Variants in CD8B2 observed in about 807,000 individuals in gnomAD.
CD8B2 encodes the protein CD8B family member 2, also known as T-cell surface glycoprotein CD8 beta-2 chain.
In CD8B2, 11 loss-of-function variants were observed where a neutral mutation model predicts 23.7. The observed-to-expected ratio is 0.46, with a 90% CI of 0.29 to 0.77. The LOEUF (loss-of-function observed/expected upper bound fraction) is 0.77, where lower values mean the gene tolerates loss of function less well. Among genes scored for constraint, CD8B2 ranks in the 30% least tolerant of loss-of-function variants. The pLI is 0.09. For missense variants in CD8B2, 197 were observed against 270.5 expected, an observed-to-expected ratio of 0.73 and a Z score of 1.91; for synonymous variants, 90 against 109.3, an observed-to-expected ratio of 0.82 and a Z score of 1.10.
chr2:106,515,536 G>A (rs533496779), downstream of CD8B2, among the ~76,000 whole-genome samples: 7 of 152,292 alleles, frequency 4.6e-5, no homozygotes, highest in African/African-American at 1.2e-4. Flanking sequence ...GTGAGTATAC[G>A]GAGAGAAGGT....
chr2:106,503,643 T>C (rs1402377074), intron 4 of CD8B2, among the ~76,000 whole-genome samples: 2 of 152,150 alleles, frequency 1.3e-5, no homozygotes, highest in Non-Finnish European at 2.9e-5. Flanking sequence ...TTATTAAATG[T>C]GCTTCAAAAT....
chr2:106,526,915 T>C (rs1164755217), intron 5 of CD8B2, among the ~76,000 whole-genome samples: 1 of 152,224 alleles, frequency 6.6e-6, no homozygotes, highest in Non-Finnish European at 1.5e-5. Flanking sequence ...ATGTTGAGAT[T>C]ACAGGCGTGA....
At position 106,538,529 on chromosome 2, in the gene CD8B2, A is replaced by G. The variant is rs115119147; in HGVS notation, c.621-5463A>G. On this transcript the variant is annotated intron_variant, in intron 5 of 5. Transcript: ENST00000416057. The stretch of plus-strand genomic sequence containing the variant: ...AAGGGTGACTGTGAATCTGTGTGGC[A>G]CTTGAGATCTCACAAAGTGCATTTA... Among the ~76,000 whole-genome samples, 1,426 of 152,220 alleles carry G rather than the reference A, an allele frequency of 9.4e-3. 21 individuals are homozygous for G. Among genetic ancestry groups the G allele is most frequent in the African/African-American group, 0.032 (1,327 of 41,504 alleles).
intron 1 of CD8B2, among the ~76,000 whole-genome samples, chr2:106,488,552 C>T (rs1419359219): frequency 2.0e-5 from 3 of 152,202 alleles, no homozygotes; most frequent in Admixed American, 2.0e-4. Context: ...CTTCGGGCAC[C>T]TGTGTACTTG....
chr2:106,523,384 C>G (rs2104569587), intron 5 of CD8B2, among the ~76,000 whole-genome samples: 1 of 152,324 alleles, frequency 6.6e-6, no homozygotes, highest in East Asian at 1.9e-4. Context: ...AGAGCTTGCT[C>G]TAGCAGGGGG....
chr2:106,531,871 G>A (rs1215607149), intron 5 of CD8B2, among the ~76,000 whole-genome samples: 2 of 152,208 alleles, frequency 1.3e-5, no homozygotes, highest in Non-Finnish European at 2.9e-5. Context: ...GCTACATCCA[G>A]CCCAGCATTC....
chr2:106,500,560 A>T (rs10184994), intron 3 of CD8B2, among the ~76,000 whole-genome samples: 1,193 of 115,958 alleles, frequency 0.01, no homozygotes, highest in African/African-American at 0.027. Flanking sequence ...AAATAAATAA[A>T]TAATTAAAAA....
chr2:106,500,719 C>T (rs900008619), intron 3 of CD8B2, among the ~76,000 whole-genome samples: 1 of 152,086 alleles, frequency 6.6e-6, no homozygotes, highest in Non-Finnish European at 1.5e-5. Flanking sequence ...CAGCCTTGCC[C>T]TTTCACCCAT....
chr2:106,492,874 G>A (rs1270650819), intron 2 of CD8B2, among the ~76,000 whole-genome samples: 2 of 152,178 alleles, frequency 1.3e-5, no homozygotes, highest in African/African-American at 2.4e-5. Flanking sequence ...ACTGATTTTC[G>A]TATTGAAAAA....
intron 5 of CD8B2, among the ~76,000 whole-genome samples, chr2:106,518,375 G>A (rs922994352): frequency 6.6e-6 from 1 of 152,130 alleles, no homozygotes; most frequent in Non-Finnish European, 1.5e-5. Context: ...TGAAAATACT[G>A]AAAGAGAAGG....
Position 106,490,872 on chromosome 2 carries a change from A to G in CD8B2, c.44-2A>G. ...GATGTCTCTGTTCTTGGCTTTTCCTAGTTCTCCATGGCAACTCAGTCCTCC... is the reference window on the plus strand; with the variant it reads ...GATGTCTCTGTTCTTGGCTTTTCCTGGTTCTCCATGGCAACTCAGTCCTCC... On this transcript the variant is annotated splice_acceptor_variant, in intron 1 of 5. Coordinates refer to ENST00000643224, the MANE Select transcript of CD8B2 (RefSeq NM_001349727.2). LOFTEE classifies it high-confidence loss of function. 6.4e-7 allele frequency: 1 copy of G among 1,565,818 alleles called. No individual in the cohort carries two copies. Among genetic ancestry groups the G allele is most frequent in the Non-Finnish European group, 8.7e-7 (1 of 1,155,226 alleles).
At chr2:106,527,035 T>C (rs1175697282) in intron 5 of CD8B2, among the ~76,000 whole-genome samples, 1 of 152,264 alleles carries the variant, frequency 6.6e-6, no homozygotes, top group Non-Finnish European at 1.5e-5. Context: ...ACTATGAACA[T>C]TCTAGTGTAC....
At chr2:106,503,429 G>A (rs988204969) in intron 4 of CD8B2, among the ~76,000 whole-genome samples, 2 of 152,014 alleles carry the variant, frequency 1.3e-5, no homozygotes, top group African/African-American at 4.8e-5. Flanking sequence ...CCCCACAGAG[G>A]GGCCCATGTA....
In CD8B2 at chr2:106,541,856, C is replaced by T. The variant is rs1680178929; in HGVS notation, c.621-2136C>T. ...CATCCCTTCTATCCTTCCAACTCCA[C>T]CACGAATCTGCCCTATCTTGGCAGA... On this transcript the variant is annotated intron_variant, in intron 5 of 5. Coordinates refer to the CD8B2 transcript ENST00000416057. 2.0e-5 allele frequency among the ~76,000 whole-genome samples: 3 copies of T among 152,322 alleles called. No individual in the cohort carries two copies. The South Asian group carries it at 6.2e-4, about 32-fold the overall frequency.
At chr2:106,513,357 T>C (rs1211904701), downstream of CD8B2, among the ~76,000 whole-genome samples, 1 of 151,776 alleles carries the variant, frequency 6.6e-6, no homozygotes, top group Non-Finnish European at 1.5e-5. Flanking sequence ...GCTCCAAGAG[T>C]GAGTGGCCTC....
At chr2:106,492,043 G>A (rs1465128057) in intron 2 of CD8B2, among the ~76,000 whole-genome samples, 2 of 152,160 alleles carry the variant, frequency 1.3e-5, no homozygotes, top group Non-Finnish European at 2.9e-5. Context: ...GGGCAGTGGA[G>A]GGACAGGTGC....
At chr2:106,535,861 G>A (rs886728147) in intron 5 of CD8B2, among the ~76,000 whole-genome samples, 1 of 152,076 alleles carries the variant, frequency 6.6e-6, no homozygotes, top group Non-Finnish European at 1.5e-5. Context: ...AAAAAAGAGG[G>A]TTAATGGGCT....
At chr2:106,522,489 C>T (rs376168948) in intron 5 of CD8B2, among the ~76,000 whole-genome samples, 1 of 152,126 alleles carries the variant, frequency 6.6e-6, no homozygotes, top group African/African-American at 2.4e-5. Context: ...AGTTAAAAGT[C>T]CAAAGGTACT....
At chr2:106,492,189 C>G (rs1679209342) in intron 2 of CD8B2, among the ~76,000 whole-genome samples, 1 of 151,946 alleles carries the variant, frequency 6.6e-6, no homozygotes, top group Admixed American at 6.6e-5. Flanking sequence ...TCTTCTGTGT[C>G]ACACGGGGGT....
Sources: gnomAD v4.1 joint callset for allele counts (sites outside exome capture counted in the v4.1 genomes callset) on GRCh38, gnomAD v4.1.1 for gene constraint, MANE v1.5 for transcripts, NCBI Gene and HGNC (gene_info 2026-07-23, HGNC 2026-07-21) for gene names.